Variants in KCNH8 observed in about 807,000 individuals in gnomAD.
KCNH8 encodes potassium voltage-gated channel subfamily H member 8.
A neutral mutation model predicts 103.6 loss-of-function variants in KCNH8; 70 were observed. That is an observed-to-expected ratio of 0.68 (90% CI 0.56 to 0.82). The LOEUF is 0.82. KCNH8 is among the 40% of genes least tolerant of loss of function. KCNH8 has a pLI of 0.00. For synonymous variants in KCNH8, 498 were observed against 489.4 expected (o/e 1.02, Z -0.23); for missense variants, 1,217 against 1,329.9 (o/e 0.92, Z 1.32).
intron 7 of KCNH8, among the ~76,000 whole-genome samples, chr3:19,437,338 ATATT>A (rs1435955405): frequency 1.3e-5 from 2 of 152,196 alleles, no homozygotes; most frequent in African/African-American, 4.8e-5. Flanking sequence ...ATTCTAGATA[ATATT>A]ATTAAGCTTA....
chr3:19,395,454 A>G (rs1164401713), intron 7 of KCNH8, 143 bp downstream of exon 7: 4 of 584,394 alleles, frequency 6.8e-6, no homozygotes, highest in Non-Finnish European at 1.2e-5. Context: ...TTTTGAATCC[A>G]TGACACAAGT....
intron 7 of KCNH8, among the ~76,000 whole-genome samples, chr3:19,400,821 A>AG (rs1464549816): frequency 2.6e-5 from 4 of 151,924 alleles, no homozygotes; most frequent in African/African-American, 9.7e-5. Context: ...AGAAAAAAAA[A>AG]TGACCAGGCT....
intron 5 of KCNH8, among the ~76,000 whole-genome samples, chr3:19,352,362 T>A (rs2125323295): frequency 6.6e-6 from 1 of 152,244 alleles, no homozygotes; most frequent in Admixed American, 6.5e-5. Context: ...GGAATTGAAC[T>A]CAGCTCTGCA....
intron 3 of KCNH8, among the ~76,000 whole-genome samples, chr3:19,295,337 G>A (rs1408948845): frequency 2.6e-5 from 4 of 151,856 alleles, no homozygotes; most frequent in Non-Finnish European, 4.4e-5. Flanking sequence ...TGAGCTGATA[G>A]CATGCCACTG....
At chr3:19,372,619 A>G (rs1270778127) in intron 5 of KCNH8, among the ~76,000 whole-genome samples, 1 of 152,082 alleles carries the variant, frequency 6.6e-6, no homozygotes, top group Non-Finnish European at 1.5e-5. Flanking sequence ...CTCCTGCCTA[A>G]TTGCCCTGGC....
intron 7 of KCNH8, 73 bp from the exon 8 acceptor site, chr3:19,438,091 A>G (rs2067227602): frequency 8.5e-7 from 1 of 1,172,002 alleles, no homozygotes. Flanking sequence ...ATGTTCATTT[A>G]TCATTACTCC....
At chr3:19,418,918 C>G (rs1474001103) in intron 7 of KCNH8, among the ~76,000 whole-genome samples, 1 of 152,098 alleles carries the variant, frequency 6.6e-6, no homozygotes, top group Non-Finnish European at 1.5e-5. Context: ...CTCTGTTATA[C>G]TAATGGTGGG....
At chr3:19,192,957 A>G (rs2063567345) in intron 1 of KCNH8, among the ~76,000 whole-genome samples, 1 of 151,688 alleles carries the variant, frequency 6.6e-6, no homozygotes, top group Non-Finnish European at 1.5e-5. Context: ...TGTTAGAAGC[A>G]TTAGTCTTCT....
At chr3:19,473,521 T>C (rs754445765) in intron 11 of KCNH8, among the ~76,000 whole-genome samples, 4 of 152,218 alleles carry the variant, frequency 2.6e-5, no homozygotes, top group Non-Finnish European at 5.9e-5. Flanking sequence ...TTTTTCAGTC[T>C]GCTATTTACA....
chr3:19,473,627 C>T (rs1057023925), intron 11 of KCNH8, among the ~76,000 whole-genome samples: 1 of 152,302 alleles, frequency 6.6e-6, no homozygotes, highest in Admixed American at 6.5e-5. Context: ...CAGTATTTTA[C>T]TTTCTTCCCA....
intron 5 of KCNH8, among the ~76,000 whole-genome samples, chr3:19,351,538 T>C (rs1482170564): frequency 1.3e-5 from 2 of 152,128 alleles, no homozygotes; most frequent in Non-Finnish European, 2.9e-5. Context: ...GCGGATCTCT[T>C]GGCAGAAACT....
intron 3 of KCNH8, among the ~76,000 whole-genome samples, chr3:19,309,584 A>G (rs2125296193): frequency 6.6e-6 from 1 of 152,084 alleles, no homozygotes; most frequent in Middle Eastern, 3.4e-3. Flanking sequence ...GATAACTAAC[A>G]TATATTATTC....
intron 1 of KCNH8, among the ~76,000 whole-genome samples, chr3:19,219,255 A>T (rs1342524351): frequency 6.6e-6 from 1 of 152,106 alleles, no homozygotes; most frequent in East Asian, 1.9e-4. Flanking sequence ...AGTAATGCCT[A>T]CCCAGATCAC....
At chr3:19,193,095 A>G (rs1336325231) in intron 1 of KCNH8, among the ~76,000 whole-genome samples, 1 of 151,682 alleles carries the variant, frequency 6.6e-6, no homozygotes, top group Non-Finnish European at 1.5e-5. Flanking sequence ...GAAAGCTGAA[A>G]CTGATCCCAT....
intron 1 of KCNH8, among the ~76,000 whole-genome samples, chr3:19,160,975 G>C (rs1338600752): frequency 6.6e-6 from 1 of 152,072 alleles, no homozygotes. Context: ...CTTCCTTTAA[G>C]TAAAAAAGTG....
chr3:19,357,962 A>T (rs1276467061), intron 5 of KCNH8, among the ~76,000 whole-genome samples: 1 of 152,062 alleles, frequency 6.6e-6, no homozygotes, highest in East Asian at 1.9e-4. Context: ...CATATACTCC[A>T]TACCTAAACA....
At chr3:19,405,762 T>TAG (rs930546093) in intron 7 of KCNH8, among the ~76,000 whole-genome samples, 3 of 151,956 alleles carry the variant, frequency 2.0e-5, no homozygotes, top group Admixed American at 1.3e-4. Flanking sequence ...CCGTTTGACC[T>TAG]AGGACATTTT....
At chr3:19,471,649 A>T (rs2067858168) in intron 11 of KCNH8, among the ~76,000 whole-genome samples, 1 of 152,226 alleles carries the variant, frequency 6.6e-6, no homozygotes, top group Non-Finnish European at 1.5e-5. Context: ...CTAGATAAGG[A>T]GACTAATTAA....
rs1015160362 is a variant in KCNH8, at chr3:19,469,423, G to T, written c.2040+12441G>T. Among the ~76,000 whole-genome samples the T allele has an allele frequency of 7.9e-5, 12 of 152,038 alleles. No individual in the cohort carries two copies. The South Asian group carries it at 1.5e-3, about 19-fold the overall frequency. On this transcript the variant is annotated intron_variant, in intron 11 of 15. Transcript: ENST00000328405. The stretch of plus-strand genomic sequence containing the variant: ...TACTTGGATCCAGTATGTTTTTTTT[G>T]TTGTTGCTGTTGTTGTTTTTTGTTT...
Sources: gnomAD v4.1 joint callset for allele counts (sites outside exome capture counted in the v4.1 genomes callset) on GRCh38, gnomAD v4.1.1 for gene constraint, MANE v1.5 for transcripts, NCBI Gene and HGNC (gene_info 2026-07-23, HGNC 2026-07-21) for gene names.